GUK1: variants seen among roughly 807,000 people sequenced by gnomAD.
GUK1 encodes the protein guanylate kinase.
A neutral mutation model predicts 25.2 loss-of-function variants in GUK1; 18 were observed. The ratio of observed to expected loss-of-function variants is 0.71; its 90% CI spans 0.49 to 1.06. The LOEUF (loss-of-function observed/expected upper bound fraction) is 1.06, where lower values mean the gene tolerates loss of function less well. Ranked by LOEUF, GUK1 falls within the 50% of genes least tolerant of loss-of-function variation. The pLI is 0.00. For synonymous variants in GUK1, 105 were observed against 117.6 expected, an observed-to-expected ratio of 0.89 and a Z score of 0.69; for missense variants, 261 against 276.7, an observed-to-expected ratio of 0.94 and a Z score of 0.40.
intron 4 of GUK1, 79 bp downstream of exon 3, chr1:228,146,146 G>C: frequency 1.1e-6 from 1 of 938,056 alleles, no homozygotes; most frequent in South Asian, 1.4e-5. Flanking sequence ...TGTTGGCTGT[G>C]CTGCCCGTCT....
chr1:228,143,087 G>A (rs1314008047), intron 2 of GUK1, among the ~76,000 whole-genome samples: 1 of 152,176 alleles, frequency 6.6e-6, no homozygotes, highest in East Asian at 1.9e-4. Flanking sequence ...TCCCTCAGGA[G>A]GGAGGAGGGG....
intron 2 of GUK1, chr1:228,145,080 C>G: frequency 6.3e-6 from 1 of 159,548 alleles, no homozygotes; most frequent in Non-Finnish European, 1.4e-5. Flanking sequence ...TGGCTGGACT[C>G]CTGGGTGGGG....
At position 228,148,848 on chromosome 1, in the gene GUK1, G is replaced by A. The variant is rs1158701307; in HGVS notation, c.*151G>A. On this transcript the variant is annotated 3_prime_UTR_variant, in exon 9 of 9. Coordinates refer to ENST00000312726, the MANE Select transcript of GUK1 (RefSeq NM_000858.7). Reference sequence around the variant, plus strand: ...TGCCCCTGTGGTTGGAACATCCTGGGGTGACCCCCGACCCAGCCTCGCTGG... The same window carrying A: ...TGCCCCTGTGGTTGGAACATCCTGGAGTGACCCCCGACCCAGCCTCGCTGG... The A allele has an allele frequency of 1.3e-6, 2 of 1,536,806 alleles. No individual in the cohort carries two copies. Among genetic ancestry groups the A allele is most frequent in the African/African-American group, 1.4e-5 (1 of 72,954 alleles).
chr1:228,141,848 T>C, intron 2 of GUK1: 1 of 1,131,622 alleles, frequency 8.8e-7, no homozygotes, highest in African/African-American at 1.7e-5. Context: ...AGTTGTGGGT[T>C]GTGTGGCTTC....
At chr1:228,148,231 C>A in intron 7 of GUK1, 140 bp from the exon 7 acceptor site, 1 of 731,898 alleles carries the variant, frequency 1.4e-6, no homozygotes, top group Non-Finnish European at 2.5e-6. Context: ...CTACCCTGCA[C>A]AGGCCCGGCT....
chr1:228,148,577 A>G lies in GUK1; in HGVS notation c.562-88A>G. 4 of 1,382,914 alleles carry G rather than the reference A, an allele frequency of 2.9e-6. No homozygotes were observed. The East Asian group carries it at 9.3e-5, about 32-fold the overall frequency. 85.7% of individuals were successfully genotyped at this position (1,382,914 alleles called of 1,614,324 possible). On this transcript the variant is annotated intron_variant, in intron 8 of 8. Coordinates refer to ENST00000312726, the MANE Select transcript of GUK1 (RefSeq NM_000858.7). ...AGTCCTACCCAAGCACTGGCATGAG[A>G]CACCGAGGTCCACGGTGGAGGGAGA...
intron 4 of GUK1, 108 bp from the exon 4 acceptor site, chr1:228,146,734 C>T (rs2034399907): frequency 3.9e-6 from 3 of 760,382 alleles, no homozygotes; most frequent in East Asian, 2.5e-5. Context: ...CTAAAGCAGT[C>T]GTGGGTGTGG....
chr1:228,145,856 G>T, intron 3 of GUK1, 170 bp from the exon 3 acceptor site: 1 of 707,240 alleles, frequency 1.4e-6, no homozygotes, highest in Non-Finnish European at 2.5e-6. Context: ...GGGCCACAGT[G>T]TTTCTTTCTG....
rs1348599415 is a variant in GUK1 at position 228,147,715 on chromosome 1, G to A, written c.475+16G>A. On this transcript the variant is annotated intron_variant, in intron 7 of 8. Coordinates refer to ENST00000312726, the MANE Select transcript of GUK1 (RefSeq NM_000858.7). ...ATGGAGAGCAGTGAGTGTGCCGTGG[G>A]ATCACCAGGGAATGCCAGGAGGGGA... is the stretch of plus-strand genomic sequence containing the variant. The A allele has an allele frequency of 6.2e-7, 1 of 1,609,398 alleles. No individual in the cohort carries two copies. The highest frequency in any genetic ancestry group is 1.7e-5 in the Admixed American group (1 of 59,920).
At chr1:228,142,847 G>A (rs2034136709) in intron 2 of GUK1, among the ~76,000 whole-genome samples, 1 of 152,022 alleles carries the variant, frequency 6.6e-6, no homozygotes, top group South Asian at 2.1e-4. Context: ...TGGTAGTTTG[G>A]TGGGATCCTC....
In GUK1 at chr1:228,147,633, C is replaced by T. The variant is rs143039523; in HGVS notation, c.409C>T (p.Arg137Cys). 3.7e-6 allele frequency: 6 copies of T among 1,612,892 alleles called. No individual in the cohort carries two copies. The highest frequency in any genetic ancestry group is 2.7e-5 in the African/African-American group (2 of 74,906). ...TTTTTAGGAGCAGCGGCTGCGGCAGCGCAACACTGAAACCGAGGAGAGCCT... is the reference window on the plus strand; with the variant it reads ...TTTTTAGGAGCAGCGGCTGCGGCAGTGCAACACTGAAACCGAGGAGAGCCT... The change falls in exon 7 of 9, where the codon CGC becomes TGC. Residue 137 changes from arginine (R) to cysteine (C), a missense_variant. Arg to Cys is a radical substitution (Grantham distance 180, BLOSUM62 -3). Transcript: ENST00000312726.
intron 5 of GUK1, 141 bp downstream of exon 4, chr1:228,147,079 TC>T: frequency 1.5e-6 from 1 of 686,600 alleles, no homozygotes; most frequent in Non-Finnish European, 2.6e-6. Flanking sequence ...AGGGCCAGGC[TC>T]CCACGTCTGT....
intron 2 of GUK1, 116 bp from the exon 2 acceptor site, chr1:228,145,395 A>T: frequency 9.2e-7 from 1 of 1,082,392 alleles, no homozygotes; most frequent in Non-Finnish European, 1.3e-6. Flanking sequence ...TCTCAGGCCA[A>T]TGTCTCCATC....
At chr1:228,142,551 ACACCT>A (rs2034120105) in intron 2 of GUK1, among the ~76,000 whole-genome samples, 1 of 151,890 alleles carries the variant, frequency 6.6e-6, no homozygotes, top group South Asian at 2.1e-4. Context: ...TGCAGGGGCA[ACACCT>A]GTGGAGGAAA....
intron 5 of GUK1, 58 bp from the exon 5 acceptor site, chr1:228,147,348 A>C: frequency 1.3e-6 from 2 of 1,540,372 alleles, no homozygotes; most frequent in Non-Finnish European, 1.8e-6. Context: ...GTGTCCCTGA[A>C]GCTCCTGTAG....
chr1:228,148,226 C>G (rs1391805907), intron 7 of GUK1, 145 bp from the exon 7 acceptor site: 2 of 725,390 alleles, frequency 2.8e-6, no homozygotes, highest in Non-Finnish European at 5.1e-6. Context: ...CTTCCCTACC[C>G]TGCACAGGCC....
rs373707927 is a variant in GUK1 at position 228,147,406 on chromosome 1, C to A, written c.252C>A (p.Ser84Arg). Reference sequence around the variant, plus strand: ...CTGCTGACCTGGCACCTCTCCCCAGCAAGGTGGCGGTGCAGGCCGTGCAGG... The same window carrying A: ...CTGCTGACCTGGCACCTCTCCCCAGAAAGGTGGCGGTGCAGGCCGTGCAGG... Residue 84 changes from serine (S) to arginine (R), a missense_variant and splice_region_variant, in exon 6 of 9, where the codon AGC (serine) becomes AGA (arginine). By Grantham distance (110) the Ser-to-Arg change is moderately radical. Coordinates refer to ENST00000312726, the MANE Select transcript of GUK1 (RefSeq NM_000858.7). The A allele has an allele frequency of 9.3e-6, 15 of 1,609,426 alleles. No homozygotes were observed. Among genetic ancestry groups the A allele is most frequent in the Non-Finnish European group, 1.3e-5 (15 of 1,178,600 alleles).
intron 2 of GUK1, chr1:228,144,393 A>G (rs2034248231): frequency 6.6e-6 from 1 of 152,374 alleles, no homozygotes; most frequent in African/African-American, 2.4e-5. Flanking sequence ...CCTCTAGCCC[A>G]GCCCCTGAAC....
In GUK1 at chr1:228,145,756, T is replaced by TC. The variant is rs533408591; in HGVS notation, c.112+139dup. 1.3e-3 allele frequency: 1,366 copies of TC among 1,075,654 alleles called. 7 individuals carry two copies. The highest frequency in any genetic ancestry group is 0.011 in the East Asian group (421 of 38,418). 66.6% of individuals were successfully genotyped at this position (1,075,654 alleles called of 1,614,324 possible). ...GCAGACTGTCCGAACTCTTGCACAC[T>TC]CCCCCCCACACAGAACCTGAGGTTA... On this transcript the variant is annotated intron_variant, in intron 3 of 8. Transcript: ENST00000312726.
Sources: allele counts gnomAD v4.1 joint callset (sites outside exome capture counted in the v4.1 genomes callset), GRCh38; gene constraint gnomAD v4.1.1; transcripts MANE v1.5; gene names NCBI Gene and HGNC (gene_info 2026-07-23, HGNC 2026-07-21).